PSD3: variants seen among roughly 807,000 people sequenced by gnomAD.
The protein encoded by PSD3 is PH and SEC7 domain-containing protein 3.
PSD3 carries 49 observed loss-of-function variants against 105.5 expected under a neutral mutation model. The observed-to-expected ratio is 0.46, with a 90% CI of 0.37 to 0.59. The LOEUF (loss-of-function observed/expected upper bound fraction) is 0.59. Ranked by LOEUF, PSD3 falls within the 20% of genes least tolerant of loss-of-function variation. The pLI, the probability that PSD3 is intolerant of heterozygous loss-of-function variation, is 0.00. For synonymous variants in PSD3, 557 were observed against 457.8 expected (o/e 1.22, Z -2.77); for missense variants, 1,561 against 1,263.8 (o/e 1.24, Z -3.57).
intron 1 of PSD3, among the ~76,000 whole-genome samples, chr8:18,963,037 C>A (rs1032496996): frequency 6.6e-6 from 1 of 152,180 alleles, no homozygotes; most frequent in Non-Finnish European, 1.5e-5. Context: ...TTCCACATGG[C>A]TGGGGAGGTC....
At chr8:18,565,098 G>A (rs879585450) in intron 14 of PSD3, among the ~76,000 whole-genome samples, 1 of 152,062 alleles carries the variant, frequency 6.6e-6, no homozygotes, top group Admixed American at 6.5e-5. Context: ...GCCACCTGCC[G>A]GCCTGGAGTG....
chr8:18,878,259 C>A (rs2129458351), intron 2 of PSD3, among the ~76,000 whole-genome samples: 1 of 152,126 alleles, frequency 6.6e-6, no homozygotes, highest in East Asian at 1.9e-4. Context: ...CATAGAAATT[C>A]AATTTGTTGC....
At chr8:19,038,231 T>A (rs898198399) in intron 1 of PSD3, among the ~76,000 whole-genome samples, 1 of 152,170 alleles carries the variant, frequency 6.6e-6, no homozygotes. Flanking sequence ...AATACATGTC[T>A]CTTTATCAAA....
At position 18,531,699 on chromosome 8, in the gene PSD3, G is replaced by A. The variant is rs1452834030; in HGVS notation, c.*4044C>T. The stretch of plus-strand genomic sequence containing the variant: ...TGTCAGAATAACTTAGATGCTTTGA[G>A]ACAAAAGCAGATACTATTTAAACTC... On this transcript the variant is annotated 3_prime_UTR_variant, in exon 16 of 16. Coordinates refer to ENST00000327040, the MANE Select transcript of PSD3 (RefSeq NM_015310.4). 4 of 152,224 alleles carry A rather than the reference G, an allele frequency of 2.6e-5. No homozygotes were observed. Among genetic ancestry groups the A allele is most frequent in the Non-Finnish European group, 5.9e-5 (4 of 68,038 alleles). 9.4% of individuals were successfully genotyped at this position (152,224 alleles called of 1,614,324 possible). A position where few individuals can be genotyped will look rare whatever the true frequency, so the allele number is the denominator to read the frequency against.
chr8:18,935,501 C>A (rs1475143265), intron 2 of PSD3, among the ~76,000 whole-genome samples: 1 of 142,242 alleles, frequency 7.0e-6, no homozygotes, highest in African/African-American at 2.7e-5. Flanking sequence ...CATAGCCAGA[C>A]CCTGTCTCTT....
At chr8:18,907,443 C>T (rs117010622) in intron 2 of PSD3, among the ~76,000 whole-genome samples, 7,101 of 152,230 alleles carry the variant, frequency 0.047, 203 homozygotes, top group Admixed American at 0.08. Context: ...CCAAAGTTCT[C>T]AGATTACAGG....
At chr8:18,954,453 T>C (rs897293428) in intron 1 of PSD3, among the ~76,000 whole-genome samples, 7 of 152,190 alleles carry the variant, frequency 4.6e-5, no homozygotes, top group Non-Finnish European at 7.4e-5. Flanking sequence ...TCAAGTGTTA[T>C]GTAGTTCTTG....
intron 14 of PSD3, among the ~76,000 whole-genome samples, chr8:18,568,780 T>C: frequency 6.6e-6 from 1 of 152,070 alleles, no homozygotes; most frequent in Non-Finnish European, 1.5e-5. Context: ...TACGTATACA[T>C]GTGCCATGCT....
chr8:19,081,620 G>A (rs375022139), intron 1 of PSD3, among the ~76,000 whole-genome samples: 2 of 152,152 alleles, frequency 1.3e-5, no homozygotes, highest in Admixed American at 6.5e-5. Context: ...GTCACAGAAC[G>A]CTCTGATTAC....
chr8:18,834,558 G>C (rs1054861002), intron 4 of PSD3, among the ~76,000 whole-genome samples: 2 of 152,280 alleles, frequency 1.3e-5, no homozygotes, highest in East Asian at 3.9e-4. Flanking sequence ...GTGACCAGCT[G>C]ATAAAACTGA....
At chr8:18,569,276 C>T (rs1372336558) in intron 14 of PSD3, among the ~76,000 whole-genome samples, 10 of 123,348 alleles carry the variant, frequency 8.1e-5, no homozygotes, top group Admixed American at 5.4e-4. Flanking sequence ...CCTGAGGAAT[C>T]GCCACACTGA....
chr8:18,563,500 GA>G (rs1158959988), intron 14 of PSD3, among the ~76,000 whole-genome samples: 1 of 151,972 alleles, frequency 6.6e-6, no homozygotes, highest in African/African-American at 2.4e-5. Flanking sequence ...TGTTCAAAAC[GA>G]AGTGGTACAG....
chr8:18,950,498 A>T (rs369775040), intron 1 of PSD3, among the ~76,000 whole-genome samples: 5 of 152,136 alleles, frequency 3.3e-5, no homozygotes, highest in African/African-American at 1.2e-4. Flanking sequence ...CTCTTGTCCA[A>T]CTGAGGCTTT....
chr8:18,589,132 C>T (rs11777614), intron 12 of PSD3, among the ~76,000 whole-genome samples: 5,617 of 152,220 alleles, frequency 0.037, 168 homozygotes, highest in East Asian at 0.11. Flanking sequence ...AGTGTGGGCC[C>T]AGCATGTACA....
chr8:18,632,734 G>A lies in PSD3; in HGVS notation c.2289C>T (p.Thr763=). 1.9e-6 allele frequency: 3 copies of A among 1,607,330 alleles called. No individual in the cohort carries two copies. Among genetic ancestry groups the A allele is most frequent in the Non-Finnish European group, 2.6e-6 (3 of 1,174,278 alleles). ...EEKANGTHPK[T]ISRIGSTTNP... is the part of the protein sequence containing the mutation. ...TAGTAGTACTTCCAATACGACTGAT[G>A]GTCTTTGGATGTGTTCCGTTAGCTT... The change falls in exon 11 of 16, where the codon ACC becomes ACT. Residue 763 remains threonine (T), a synonymous_variant. Coordinates refer to ENST00000327040, the MANE Select transcript of PSD3 (RefSeq NM_015310.4).
At chr8:18,600,280 G>T in intron 12 of PSD3, 84 bp downstream of exon 12, 1 of 1,211,662 alleles carries the variant, frequency 8.3e-7, no homozygotes, top group Non-Finnish European at 1.2e-6. Context: ...CCACAGATAA[G>T]GGAGACTACC....
chr8:18,925,723 G>A (rs1015223118), intron 2 of PSD3, among the ~76,000 whole-genome samples: 2 of 152,020 alleles, frequency 1.3e-5, no homozygotes, highest in African/African-American at 2.4e-5. Flanking sequence ...TATAAAATTC[G>A]AGAGAGAAGT....
intron 2 of PSD3, among the ~76,000 whole-genome samples, chr8:18,901,791 T>G (rs1336374053): frequency 6.6e-6 from 1 of 152,230 alleles, no homozygotes; most frequent in East Asian, 1.9e-4. Context: ...AGGATAGCTT[T>G]GCTGGGCATA....
Position 18,752,594 on chromosome 8 carries a change from T to A in PSD3, c.2172+12855A>T, listed in dbSNP as rs13262821. Among the ~76,000 whole-genome samples, 261 of 82,672 alleles carry A rather than the reference T, an allele frequency of 3.2e-3. 4 individuals are homozygous for A. The highest frequency in any genetic ancestry group is 0.017 in the African/African-American group (249 of 14,634). 54.2% of individuals were successfully genotyped at this position (82,672 alleles called of 152,430 possible). A position where few individuals can be genotyped will look rare whatever the true frequency, so the allele number is the denominator to read the frequency against. On this transcript the variant is annotated intron_variant, in intron 9 of 15. Coordinates refer to ENST00000327040, the MANE Select transcript of PSD3 (RefSeq NM_015310.4). Reference sequence around the variant, plus strand: ...ATATATAATTATATATATTATATATTATATATTATATATAATACATATAAT... The same window carrying A: ...ATATATAATTATATATATTATATATAATATATTATATATAATACATATAAT...
Sources: gnomAD v4.1 joint callset for allele counts (sites outside exome capture counted in the v4.1 genomes callset) on GRCh38, gnomAD v4.1.1 for gene constraint, MANE v1.5 for transcripts, NCBI Gene and HGNC (gene_info 2026-07-23, HGNC 2026-07-21) for gene names.